PRKCE: variants seen among roughly 807,000 people sequenced by gnomAD.
PRKCE encodes protein kinase C epsilon.
A neutral mutation model predicts 85.4 loss-of-function variants in PRKCE; 16 were observed. The observed-to-expected ratio is 0.19, with a 90% CI of 0.13 to 0.28. PRKCE has a LOEUF of 0.28. Ranked by LOEUF, PRKCE falls within the 10% of genes least tolerant of loss-of-function variation. The probability of loss-of-function intolerance (pLI) is 1.00; values close to 1 mark genes in which losing one functional copy is unlikely to be tolerated. For synonymous variants in PRKCE, 388 were observed against 371.5 expected, an observed-to-expected ratio of 1.04 and a Z score of -0.51; for missense variants, 573 against 975.2, an observed-to-expected ratio of 0.59 and a Z score of 5.49.
intron 2 of PRKCE, among the ~76,000 whole-genome samples, chr2:45,884,979 A>T (rs201286006): frequency 0.17 from 13,959 of 83,538 alleles, 2,220 homozygotes; most frequent in East Asian, 0.66. Context: ...ATATATATAT[A>T]TATATATATA....
chr2:46,139,698 G>A lies in PRKCE; in HGVS notation c.1593-5395G>A, dbSNP rs540622310. Among the ~76,000 whole-genome samples, 21 of 151,374 alleles carry A rather than the reference G, an allele frequency of 1.4e-4. No individual in the cohort carries two copies. The highest frequency in any genetic ancestry group is 4.4e-4 in the African/African-American group (18 of 41,230). On this transcript the variant is annotated intron_variant, in intron 11 of 14. Transcript: ENST00000306156. The surrounding 1 kb of genome is among the most constrained non-coding windows in gnomAD (Gnocchi z 5.2). The stretch of plus-strand genomic sequence containing the variant: ...TATATATATGCGTATATATATGTGT[G>A]TGTATATATATACATATATACATAT...
intron 12 of PRKCE, among the ~76,000 whole-genome samples, chr2:46,148,599 A>G (rs1676312173): frequency 6.6e-6 from 1 of 152,218 alleles, no homozygotes; most frequent in African/African-American, 2.4e-5. Flanking sequence ...CAGTAGATAC[A>G]CACAGTGGCC....
intron 10 of PRKCE, among the ~76,000 whole-genome samples, chr2:46,014,601 A>C (rs116794723): frequency 2.0e-5 from 3 of 152,218 alleles, no homozygotes; most frequent in African/African-American, 4.8e-5. Flanking sequence ...GTTTCTTGCT[A>C]TAAAAAAATT....
chr2:45,672,863 A>C (rs933442388), intron 1 of PRKCE, among the ~76,000 whole-genome samples: 17 of 152,048 alleles, frequency 1.1e-4, no homozygotes, highest in African/African-American at 4.1e-4. Context: ...AGTCTCTAAA[A>C]AAATTTTTAA....
chr2:45,821,441 G>C (rs952497177), intron 1 of PRKCE, among the ~76,000 whole-genome samples: 1 of 152,166 alleles, frequency 6.6e-6, no homozygotes, highest in South Asian at 2.1e-4. Flanking sequence ...CCTCTGAAGG[G>C]CTACCTGTGG....
At chr2:45,881,945 C>A (rs1206360238) in intron 2 of PRKCE, among the ~76,000 whole-genome samples, 1 of 152,196 alleles carries the variant, frequency 6.6e-6, no homozygotes, top group Non-Finnish European at 1.5e-5. Context: ...TGACAGTAGC[C>A]TAAGGAGACA....
At chr2:46,040,944 A>G (rs1436505626) in intron 10 of PRKCE, among the ~76,000 whole-genome samples, 3 of 152,232 alleles carry the variant, frequency 2.0e-5, no homozygotes, top group African/African-American at 7.2e-5. Context: ...GGTCACAGCT[A>G]AAGCTGCCAT....
chr2:46,178,721 G>C (rs1344656027), intron 14 of PRKCE, among the ~76,000 whole-genome samples: 1 of 152,174 alleles, frequency 6.6e-6, no homozygotes, highest in Non-Finnish European at 1.5e-5. Context: ...TCAAAGCTAG[G>C]ACGGACTTGG....
At chr2:46,154,852 T>G (rs1200096029) in intron 13 of PRKCE, among the ~76,000 whole-genome samples, 1 of 152,092 alleles carries the variant, frequency 6.6e-6, no homozygotes, top group African/African-American at 2.4e-5. Context: ...TATTATGTAT[T>G]ATGTTTATTG....
At chr2:45,677,600 CCCG>C (rs780017478) in intron 1 of PRKCE, among the ~76,000 whole-genome samples, 13 of 152,164 alleles carry the variant, frequency 8.5e-5, no homozygotes, top group Non-Finnish European at 1.8e-4. Flanking sequence ...TCATGATCCA[CCCG>C]CCTCGGCCTC....
At chr2:45,873,572 G>GT (rs911579041) in intron 2 of PRKCE, among the ~76,000 whole-genome samples, 3 of 152,170 alleles carry the variant, frequency 2.0e-5, no homozygotes, top group African/African-American at 4.8e-5. Context: ...CTTGTTAGAC[G>GT]TAAGTGTAGA....
chr2:46,131,070 G>C (rs901980125), intron 11 of PRKCE, among the ~76,000 whole-genome samples: 1 of 152,222 alleles, frequency 6.6e-6, no homozygotes, highest in African/African-American at 2.4e-5. Flanking sequence ...CTAGTGTGAG[G>C]ATAAATCCGG....
At chr2:46,119,191 A>C (rs1489412922) in intron 11 of PRKCE, among the ~76,000 whole-genome samples, 4 of 152,190 alleles carry the variant, frequency 2.6e-5, no homozygotes, top group African/African-American at 9.7e-5. Context: ...TGGAAAAAAA[A>C]CAACCAGCTT....
At chr2:46,174,511 C>CTGGG (rs1679228309) in intron 14 of PRKCE, among the ~76,000 whole-genome samples, 1 of 152,112 alleles carries the variant, frequency 6.6e-6, no homozygotes, top group South Asian at 2.1e-4. Flanking sequence ...CTCCAAAGAC[C>CTGGG]TGGGACCCCT....
At chr2:45,831,578 T>C (rs562593049) in intron 1 of PRKCE, among the ~76,000 whole-genome samples, 1 of 152,334 alleles carries the variant, frequency 6.6e-6, no homozygotes, top group South Asian at 2.1e-4. Context: ...GAATTTGTGA[T>C]GTATAACTTT....
chr2:45,866,124 G>A (rs116589757), intron 2 of PRKCE, among the ~76,000 whole-genome samples: 2,896 of 151,584 alleles, frequency 0.019, 54 homozygotes, highest in Admixed American at 0.037. Context: ...CCAGCAGTTC[G>A]TTTTCTTTAT....
chr2:45,791,262 G>C (rs1687010533), intron 1 of PRKCE, among the ~76,000 whole-genome samples: 1 of 152,192 alleles, frequency 6.6e-6, no homozygotes, highest in Non-Finnish European at 1.5e-5. Context: ...GGTTCCTGCT[G>C]TCCAAAGATT....
At position 45,895,709 on chromosome 2, in the gene PRKCE, C is replaced by T. The variant is rs2103653826; in HGVS notation, c.412+52646C>T. ...AATTGTACGGAGCCCTTAATCTCTG[C>T]TAGGGGCTGGGGCAATCCAGTGGAA... is the stretch of plus-strand genomic sequence containing the variant. On this transcript the variant is annotated intron_variant, in intron 2 of 14. Transcript: ENST00000306156. This position sits in a 1 kb window ranked among gnomAD's most constrained non-coding sequence, Gnocchi z 4.8. 6.6e-6 allele frequency among the ~76,000 whole-genome samples: 1 copy of T among 152,302 alleles called. No homozygotes were observed. The highest frequency in any genetic ancestry group is 2.1e-4 in the South Asian group (1 of 4,814).
chr2:45,915,288 A>C (rs866232884), intron 2 of PRKCE, among the ~76,000 whole-genome samples: 10 of 152,338 alleles, frequency 6.6e-5, no homozygotes, highest in Middle Eastern at 3.4e-3. Flanking sequence ...CTTTCAGCCC[A>C]ATGAGTCTCT....
Sources: gnomAD v4.1 joint callset for allele counts (sites outside exome capture counted in the v4.1 genomes callset) on GRCh38, gnomAD v4.1.1 for gene constraint, Gnocchi (gnomAD v3.1) non-coding constraint, MANE v1.5 for transcripts, NCBI Gene and HGNC (gene_info 2026-07-23, HGNC 2026-07-21) for gene names.